The following SLC9A2 variants were observed in gnomAD, a reference collection of about 807,000 sequenced individuals.
SLC9A2 encodes sodium/hydrogen exchanger 2.
In SLC9A2, 42 loss-of-function variants were observed where a neutral mutation model predicts 71.7. The observed-to-expected ratio is 0.59, with a 90% CI of 0.46 to 0.76. SLC9A2 has a LOEUF of 0.76. SLC9A2 is among the 30% of genes least tolerant of loss of function. The pLI is 0.00. For missense variants in SLC9A2, 829 were observed against 1,017.4 expected (o/e 0.81, Z 2.52); for synonymous variants, 396 against 392.5 (o/e 1.01, Z -0.10).
intron 1 of SLC9A2, among the ~76,000 whole-genome samples, chr2:102,636,981 T>C (rs960786117): frequency 6.6e-6 from 1 of 152,096 alleles, no homozygotes; most frequent in African/African-American, 2.4e-5. Flanking sequence ...CTTCATCAGA[T>C]TGTGTTTCTA....
chr2:102,680,077 T>C lies in SLC9A2; in HGVS notation c.1005-3184T>C, dbSNP rs555296058. Among the ~76,000 whole-genome samples, 111 of 143,818 alleles carry C rather than the reference T, an allele frequency of 7.7e-4. 1 individual carries two copies. The highest frequency in any genetic ancestry group is 2.7e-3 in the African/African-American group (109 of 41,006). The allele number at this position is 143,818 out of a possible 152,430, so 94.4% of individuals were successfully genotyped here. A position where few individuals can be genotyped will look rare whatever the true frequency, so the allele number is the denominator to read the frequency against. The stretch of plus-strand genomic sequence containing the variant: ...GCTTTATAATAAAACCCTTTTGAAG[T>C]ATCTTTTGTATAGGATTAGAGAATT... On this transcript the variant is annotated intron_variant, in intron 3 of 11. Transcript: ENST00000233969.
At chr2:102,629,135 G>A (rs1194735798) in intron 1 of SLC9A2, among the ~76,000 whole-genome samples, 1 of 151,836 alleles carries the variant, frequency 6.6e-6, no homozygotes, top group Non-Finnish European at 1.5e-5. Flanking sequence ...TCAGTTCCTG[G>A]GGTACATTAA....
chr2:102,630,261 C>A (rs569956481), intron 1 of SLC9A2, among the ~76,000 whole-genome samples: 1 of 151,938 alleles, frequency 6.6e-6, no homozygotes, highest in South Asian at 2.1e-4. Context: ...GATGTATATT[C>A]TTCAGTGGAT....
rs906532514 is a variant in SLC9A2, at chr2:102,620,233, C to T, written c.289+96C>T. On this transcript the variant is annotated intron_variant, in intron 1 of 11. Transcript: ENST00000233969. ...AGCCAGCTGACCTCTAGATAGTGACCGCCTCATCTTGAATCAGGGCAGGGA... is the reference window on the plus strand; with the variant it reads ...AGCCAGCTGACCTCTAGATAGTGACTGCCTCATCTTGAATCAGGGCAGGGA... 1.1e-5 allele frequency: 12 copies of T among 1,060,614 alleles called. No individual in the cohort carries two copies. The African/African-American group carries it at 1.1e-4, about 10-fold the overall frequency. 65.7% of individuals were successfully genotyped at this position (1,060,614 alleles called of 1,614,324 possible).
intron 5 of SLC9A2, among the ~76,000 whole-genome samples, chr2:102,692,337 A>G (rs1285215934): frequency 6.6e-6 from 1 of 152,148 alleles, no homozygotes; most frequent in African/African-American, 2.4e-5. Context: ...AAAAAAATGG[A>G]TGTGTATGTG....
chr2:102,682,343 A>T (rs190873805), intron 3 of SLC9A2, among the ~76,000 whole-genome samples: 2 of 152,324 alleles, frequency 1.3e-5, no homozygotes, highest in Non-Finnish European at 2.9e-5. Context: ...TAGTAAGGCA[A>T]GAAGACAGTA....
At chr2:102,676,012 A>G (rs542227513) in intron 3 of SLC9A2, among the ~76,000 whole-genome samples, 25 of 152,350 alleles carry the variant, frequency 1.6e-4, no homozygotes, top group African/African-American at 6.0e-4. Flanking sequence ...TAGTTTTGCA[A>G]CATTTACACG....
rs781447431 is a variant in SLC9A2 at position 102,684,142 on chromosome 2, G to C, written c.1231G>C (p.Val411Leu). Reference sequence around the variant, plus strand: ...GTTTTCTTTCTTTGCAGGTGTTTTTGTCCTGACTCAGGTCATTAATAGGTT... The same window carrying C: ...GTTTTCTTTCTTTGCAGGTGTTTTTCTCCTGACTCAGGTCATTAATAGGTT... Reference protein sequence around the residue: ...CLMWRALGVFVLTQVINRFRT... With the variant: ...CLMWRALGVFLLTQVINRFRT... The change falls in exon 5 of 12, where the codon GTC becomes CTC. Residue 411 changes from valine (V) to leucine (L), a missense_variant. Physicochemically the swap from Val to Leu is conservative, Grantham distance 32. Around this residue, in one of 3 missense-constraint regions of SLC9A2, gnomAD observed 500 missense variants for 726.3 expected, o/e 0.69. Transcript: ENST00000233969. 1 of 1,613,738 alleles carries C rather than the reference G, an allele frequency of 6.2e-7. No homozygotes were observed. The highest frequency in any genetic ancestry group is 1.1e-5 in the South Asian group (1 of 91,034).
At chr2:102,632,830 C>T (rs1676401550) in intron 1 of SLC9A2, among the ~76,000 whole-genome samples, 1 of 152,172 alleles carries the variant, frequency 6.6e-6, no homozygotes, top group African/African-American at 2.4e-5. Context: ...GTCTGGGAAA[C>T]ACTCTAAAGA....
intron 3 of SLC9A2, among the ~76,000 whole-genome samples, chr2:102,670,994 G>T (rs1677239949): frequency 6.6e-6 from 1 of 151,366 alleles, no homozygotes; most frequent in Non-Finnish European, 1.5e-5. Context: ...ATGTTTACTT[G>T]CGTTCACAAA....
intron 5 of SLC9A2, among the ~76,000 whole-genome samples, chr2:102,687,798 A>G (rs1380481549): frequency 6.7e-6 from 1 of 148,996 alleles, no homozygotes; most frequent in Non-Finnish European, 1.5e-5. Flanking sequence ...TTTTTTTTTG[A>G]GACAGAGTGT....
At position 102,708,407 on chromosome 2, in the gene SLC9A2, C is replaced by A; in HGVS notation, c.2357C>A (p.Pro786Gln). The A allele has an allele frequency of 6.2e-7, 1 of 1,614,202 alleles. No homozygotes were observed. The highest frequency in any genetic ancestry group is 8.5e-7 in the Non-Finnish European group (1 of 1,180,038). ...EREDSLTEGI[P>Q]PKPPPRLVWR... ...GAAGACAGTTTGACTGAAGGCATCC[C>A]GCCCAAGCCGCCACCACGGCTGGTC... Residue 786 changes from proline to glutamine, a missense_variant, in exon 12 of 12, where the codon CCG becomes CAG. Around this residue, in one of 3 missense-constraint regions of SLC9A2, gnomAD observed 223 missense variants for 197.5 expected, o/e 1.13. Transcript: ENST00000233969.
At chr2:102,686,664 A>G (rs915356803) in intron 5 of SLC9A2, 1 of 152,404 alleles carries the variant, frequency 6.6e-6, no homozygotes, top group Middle Eastern at 3.4e-3. Context: ...AGACTCTTCA[A>G]TGAGACTTTA....
chr2:102,627,703 T>A (rs946265217), intron 1 of SLC9A2, among the ~76,000 whole-genome samples: 6 of 152,152 alleles, frequency 3.9e-5, no homozygotes, highest in Non-Finnish European at 5.9e-5. Flanking sequence ...TTCTAAGTTA[T>A]CTGCTTCTGC....
At chr2:102,679,376 A>G (rs1484419611) in intron 3 of SLC9A2, among the ~76,000 whole-genome samples, 1 of 136,340 alleles carries the variant, frequency 7.3e-6, no homozygotes, top group African/African-American at 3.1e-5. Context: ...AAAGCTATAT[A>G]TATATATAAT....
chr2:102,661,915 C>G (rs1380622915), intron 2 of SLC9A2, among the ~76,000 whole-genome samples: 1 of 152,138 alleles, frequency 6.6e-6, no homozygotes, highest in Admixed American at 6.5e-5. Context: ...CATAGATTCC[C>G]TCATAATACA....
At position 102,684,234 on chromosome 2, in the gene SLC9A2, C is replaced by T; in HGVS notation, c.1323C>T (p.Ile441=). 6.2e-7 allele frequency: 1 copy of T among 1,614,130 alleles called. No individual in the cohort carries two copies. The highest frequency in any genetic ancestry group is 8.5e-7 in the Non-Finnish European group (1 of 1,179,982). The change falls in exon 5 of 12, where the codon ATC becomes ATT. Residue 441 remains isoleucine (I), a synonymous_variant. Transcript: ENST00000233969. ...IIAYGGLRGA[I]CFALVFLLPA... ...CCTATGGAGGACTTCGAGGTGCCAT[C>T]TGTTTTGCGTTAGTGTTTCTCCTTC...
chr2:102,694,419 A>G lies in SLC9A2; in HGVS notation c.1431A>G (p.Ile477Met). 3 of 1,462,154 alleles carry G rather than the reference A, an allele frequency of 2.1e-6. No homozygotes were observed. The highest frequency in any genetic ancestry group is 2.8e-6 in the Non-Finnish European group (3 of 1,078,310). The allele number at this position is 1,462,154 out of a possible 1,614,324, so 90.6% of individuals were successfully genotyped here. The change falls in exon 6 of 12, where the codon ATA (isoleucine) becomes ATG (methionine). Residue 477 changes from isoleucine (I) to methionine (M), a missense_variant. Physicochemically the swap from Ile to Met is conservative, Grantham distance 10 (BLOSUM62 1). This residue lies in a region of SLC9A2 where 500 missense variants were observed against 726.3 expected (regional missense o/e 0.69). Transcript: ENST00000233969. The part of the protein sequence containing the change: ...VIFFTVFILG[I>M]TIRPLVEFLD... ...AAATTGTGTTTCCTGTTCAGGGAAT[A>G]ACTATTCGACCACTGGTGGAGTTTC...
chr2:102,711,183 G>A lies in SLC9A2; in HGVS notation c.*2694G>A, dbSNP rs7605990. The A allele has an allele frequency of 1.3e-5, 2 of 152,284 alleles. No homozygotes were observed. The highest frequency in any genetic ancestry group is 3.7e-4 in the East Asian group (2 of 5,336). 9.4% of individuals were successfully genotyped at this position (152,284 alleles called of 1,614,324 possible). ...ACAAACACAGTACGAGTCTCAGCAC[G>A]TTTTGCATTTATTGTACTGCCCAAA... On this transcript the variant is annotated 3_prime_UTR_variant, in exon 12 of 12. Coordinates refer to ENST00000233969, the MANE Select transcript of SLC9A2 (RefSeq NM_003048.6).
Sources: allele counts gnomAD v4.1 joint callset (sites outside exome capture counted in the v4.1 genomes callset), GRCh38; gene constraint gnomAD v4.1.1; regional missense constraint gnomAD v4.1.1; transcripts MANE v1.5; gene names NCBI Gene and HGNC (gene_info 2026-07-23, HGNC 2026-07-21).